The following SLC4A4 variants were observed in gnomAD, a reference collection of about 807,000 sequenced individuals.
SLC4A4 encodes solute carrier family 4 member 4, also known as electrogenic sodium bicarbonate cotransporter 1.
SLC4A4 carries 27 observed loss-of-function variants against 111.5 expected under a neutral mutation model. The observed-to-expected ratio is 0.24, with a 90% CI of 0.18 to 0.33. SLC4A4 has a LOEUF of 0.33. SLC4A4 is among the 10% of genes least tolerant of loss of function. The pLI is 1.00. For synonymous variants in SLC4A4, 443 were observed against 463.4 expected (o/e 0.96, Z 0.57); for missense variants, 909 against 1,315.5 (o/e 0.69, Z 4.78).
intron 6 of SLC4A4, among the ~76,000 whole-genome samples, chr4:71,374,736 GA>G (rs1732193320): frequency 6.6e-6 from 1 of 151,154 alleles, no homozygotes. Flanking sequence ...GAGATTTCAA[GA>G]GGCACATATT....
At chr4:71,470,734 G>T (rs2149105601) in intron 13 of SLC4A4, among the ~76,000 whole-genome samples, 1 of 152,166 alleles carries the variant, frequency 6.6e-6, no homozygotes, top group Admixed American at 6.6e-5. Context: ...AGGCTGACAG[G>T]CTGGAGACCC....
intron 3 of SLC4A4, among the ~76,000 whole-genome samples, chr4:71,272,944 T>C (rs577889576): frequency 2.5e-3 from 379 of 152,310 alleles, no homozygotes; most frequent in South Asian, 8.1e-3. Flanking sequence ...TTAGAATGGT[T>C]CTTTTTGACA....
intron 2 of SLC4A4, among the ~76,000 whole-genome samples, chr4:71,102,837 C>A (rs866012251): frequency 2.0e-5 from 3 of 151,760 alleles, no homozygotes; most frequent in Non-Finnish European, 4.4e-5. Flanking sequence ...TAAAGACCAT[C>A]GAGACTAGGA....
intron 6 of SLC4A4, among the ~76,000 whole-genome samples, chr4:71,382,053 A>C (rs1718193778): frequency 6.6e-6 from 1 of 152,160 alleles, no homozygotes; most frequent in Non-Finnish European, 1.5e-5. Context: ...AGTTCATGAG[A>C]GCTCCCTCAA....
At position 71,568,030 on chromosome 4, in the gene SLC4A4, C is replaced by T. The variant is rs1737655724; in HGVS notation, c.*279C>T. ...ATAATACAGCGCTCTCTCTGCTTCT[C>T]TCTTGCATAGACACAATCAAGACAA... On this transcript the variant is annotated 3_prime_UTR_variant, in exon 26 of 26. Transcript: ENST00000264485. 3 of 629,932 alleles carry T rather than the reference C, an allele frequency of 4.8e-6. No homozygotes were observed. Among genetic ancestry groups the T allele is most frequent in the Non-Finnish European group, 8.6e-6 (3 of 349,900 alleles). 39.0% of individuals were successfully genotyped at this position (629,932 alleles called of 1,614,324 possible). A position where few individuals can be genotyped will look rare whatever the true frequency, so the allele number is the denominator to read the frequency against.
chr4:71,451,327 C>A, intron 11 of SLC4A4, 26 bp downstream of exon 11: 2 of 1,351,292 alleles, frequency 1.5e-6, no homozygotes, highest in Non-Finnish European at 2.1e-6. Context: ...CTTTGCCATT[C>A]ATGATGAGGT....
rs1277161261 is a variant in SLC4A4 at position 71,336,555 on chromosome 4, T to C, written c.254-2815T>C. ...TGAATAGTGCTTGCCTTCTTCCTGT[T>C]GTACAACTTATGATACAGAGCATGC... is the stretch of plus-strand genomic sequence containing the variant. On this transcript the variant is annotated intron_variant, in intron 3 of 25. Transcript: ENST00000264485. 2.0e-5 allele frequency among the ~76,000 whole-genome samples: 3 copies of C among 152,226 alleles called. No individual in the cohort carries two copies. In the East Asian group the frequency reaches 5.8e-4, roughly 29 times the overall value.
chr4:71,548,757 A>G (rs563457688), intron 20 of SLC4A4, among the ~76,000 whole-genome samples: 16 of 151,938 alleles, frequency 1.1e-4, no homozygotes, highest in Non-Finnish European at 2.1e-4. Context: ...TTCAAACAAT[A>G]TAGAAGTACA....
At chr4:71,540,789 T>C (rs1462448904) in intron 18 of SLC4A4, among the ~76,000 whole-genome samples, 1 of 152,128 alleles carries the variant, frequency 6.6e-6, no homozygotes, top group Non-Finnish European at 1.5e-5. Context: ...GAATACTTAT[T>C]AAAGAATCAT....
chr4:71,412,825 A>T (rs923343606), intron 7 of SLC4A4, among the ~76,000 whole-genome samples: 6 of 152,190 alleles, frequency 3.9e-5, no homozygotes, highest in African/African-American at 1.4e-4. Context: ...AAATGACTGT[A>T]TGTTAGGAAT....
intron 3 of SLC4A4, among the ~76,000 whole-genome samples, chr4:71,259,129 G>A (rs1031712938): frequency 6.6e-6 from 1 of 152,128 alleles, no homozygotes; most frequent in African/African-American, 2.4e-5. Flanking sequence ...AATATAGTGA[G>A]ACCCTGTCTC....
chr4:71,092,546 G>A (rs16845736), intron 1 of SLC4A4, among the ~76,000 whole-genome samples: 13,955 of 152,010 alleles, frequency 0.092, 794 homozygotes, highest in African/African-American at 0.16. Flanking sequence ...GAATTTGCAC[G>A]TCATGTTACA....
At chr4:71,295,364 A>G (rs971733013) in intron 3 of SLC4A4, among the ~76,000 whole-genome samples, 1 of 152,094 alleles carries the variant, frequency 6.6e-6, no homozygotes, top group Admixed American at 6.5e-5. Context: ...ATATCCAGCA[A>G]CCCCTGGACT....
At chr4:71,204,092 C>T (rs992600988) in intron 1 of SLC4A4, among the ~76,000 whole-genome samples, 7 of 152,114 alleles carry the variant, frequency 4.6e-5, no homozygotes, top group South Asian at 4.2e-4. Context: ...AGATTCCATG[C>T]GGTGTTGGCT....
chr4:71,285,164 A>G (rs1189382085), intron 3 of SLC4A4, among the ~76,000 whole-genome samples: 9 of 152,208 alleles, frequency 5.9e-5, no homozygotes, highest in Admixed American at 4.6e-4. Context: ...GCATCAAGGA[A>G]TCAACATAGA....
intron 2 of SLC4A4, among the ~76,000 whole-genome samples, chr4:71,162,975 T>G (rs1428880972): frequency 3.9e-5 from 6 of 152,230 alleles, no homozygotes; most frequent in Non-Finnish European, 7.3e-5. Flanking sequence ...TGAGGAATAA[T>G]TCAATCTTTG....
At chr4:71,264,430 T>G (rs189779572) in intron 3 of SLC4A4, among the ~76,000 whole-genome samples, 169 of 152,268 alleles carry the variant, frequency 1.1e-3, no homozygotes, top group African/African-American at 3.9e-3. Flanking sequence ...CTGATTCTAC[T>G]TCATTTATGA....
chr4:71,177,363 A>C (rs1745128635), intron 2 of SLC4A4, among the ~76,000 whole-genome samples: 1 of 152,218 alleles, frequency 6.6e-6, no homozygotes. Flanking sequence ...TAAATGCTCC[A>C]ATTAAAAGAC....
rs1179637188 is a variant in SLC4A4 at position 71,571,941 on chromosome 4, A to C, written c.*4190A>C. 1 of 152,268 alleles carries C rather than the reference A, an allele frequency of 6.6e-6. No individual in the cohort carries two copies. The highest frequency in any genetic ancestry group is 2.4e-5 in the African/African-American group (1 of 41,398). 9.4% of individuals were successfully genotyped at this position (152,268 alleles called of 1,614,324 possible). A position where few individuals can be genotyped will look rare whatever the true frequency, so the allele number is the denominator to read the frequency against. Reference sequence around the variant, plus strand: ...AACTTTTTCCAATATAAATCCTAAAATTCCTATAACATAGTATTTTACAGT... The same window carrying C: ...AACTTTTTCCAATATAAATCCTAAACTTCCTATAACATAGTATTTTACAGT... On this transcript the variant is annotated 3_prime_UTR_variant, in exon 26 of 26. Transcript: ENST00000264485.
Sources: allele counts gnomAD v4.1 joint callset (sites outside exome capture counted in the v4.1 genomes callset), GRCh38; gene constraint gnomAD v4.1.1; transcripts MANE v1.5; gene names NCBI Gene and HGNC (gene_info 2026-07-23, HGNC 2026-07-21).